GPR137: variants seen among roughly 807,000 people sequenced by gnomAD.
GPR137 encodes the protein integral membrane protein GPR137.
GPR137 carries 20 observed loss-of-function variants against 38.9 expected under a neutral mutation model. That is an observed-to-expected ratio of 0.51 (90% CI 0.36 to 0.75). The LOEUF (loss-of-function observed/expected upper bound fraction) is 0.75, where lower values mean the gene tolerates loss of function less well. Ranked by LOEUF, GPR137 falls within the 30% of genes least tolerant of loss-of-function variation. The pLI is 0.00. For missense variants in GPR137, 456 were observed against 526.4 expected (o/e 0.87, Z 1.31); for synonymous variants, 226 against 235.8 (o/e 0.96, Z 0.38).
upstream of GPR137, among the ~76,000 whole-genome samples, chr11:64,283,588 AG>A (rs1364221778): frequency 6.6e-6 from 1 of 152,212 alleles, no homozygotes; most frequent in East Asian, 1.9e-4. Flanking sequence ...TACGAGCCAC[AG>A]GGCAAGAAAG....
rs2033949858 is a variant in GPR137 at position 64,285,895 on chromosome 11, A to AG, written c.-629dup. The AG allele has an allele frequency of 1.8e-5, 18 of 973,348 alleles. No homozygotes were observed. The highest frequency in any genetic ancestry group is 2.2e-5 in the Non-Finnish European group (18 of 819,176). The allele number at this position is 973,348 out of a possible 1,614,324, so 60.3% of individuals were successfully genotyped here. On this transcript the variant is annotated 5_prime_UTR_variant, in exon 1 of 7. Coordinates refer to ENST00000438980, the MANE Select transcript of GPR137 (RefSeq NM_001170880.2). ...CGGAGCCCCGGGTCCCCACGACCTG[A>AG]GCCGGCTCTCCCATCAGCGGCCTGA...
chr11:64,280,084 A>G (rs11231742), upstream of GPR137, among the ~76,000 whole-genome samples: 31,137 of 151,274 alleles, frequency 0.21, 3,649 homozygotes, highest in East Asian at 0.55. Context: ...TTGGGAGGCC[A>G]AGGCGGGCGG....
intron 2 of GPR137, chr11:64,277,136 C>T (rs550415054): frequency 1.5e-5 from 9 of 618,086 alleles, no homozygotes; most frequent in Admixed American, 4.9e-5. Context: ...TGTTCCAGAC[C>T]GTTTGGAGCA....
upstream of GPR137, chr11:64,285,084 C>T (rs2033801096): frequency 2.8e-6 from 3 of 1,082,294 alleles, no homozygotes; most frequent in Non-Finnish European, 3.4e-6. Context: ...GCGCTTGGCA[C>T]AGCCACAACT....
At chr11:64,284,859 C>A, upstream of GPR137, 11 of 1,494,394 alleles carry the variant, frequency 7.4e-6, no homozygotes, top group South Asian at 1.3e-5. Flanking sequence ...CCTTCGGCCC[C>A]GGGGCTCACA....
chr11:64,279,790 C>A (rs79429697), upstream of GPR137, among the ~76,000 whole-genome samples: 1 of 151,136 alleles, frequency 6.6e-6, no homozygotes, highest in Non-Finnish European at 1.5e-5. Context: ...AAAAATCCCC[C>A]TCTATCCCAC....
upstream of GPR137, chr11:64,285,279 C>A: frequency 1.0e-6 from 1 of 985,978 alleles, no homozygotes; most frequent in African/African-American, 1.7e-5. Flanking sequence ...AACCTCCTCC[C>A]TGGCTGGGAT....
In GPR137 at chr11:64,288,066, G is replaced by T. The variant is rs1035259122; in HGVS notation, c.635G>T (p.Gly212Val). 1.9e-6 allele frequency: 3 copies of T among 1,610,136 alleles called. No homozygotes were observed. The highest frequency in any genetic ancestry group is 2.5e-6 in the Non-Finnish European group (3 of 1,179,926). The change falls in exon 4 of 7, where the codon GGG (glycine) becomes GTG (valine). Residue 212 changes from glycine to valine, a missense_variant and splice_region_variant. Transcript: ENST00000438980. The surrounding 1 kb of genome is among the most constrained non-coding windows in gnomAD (Gnocchi z 5.5). ...PSTSIYLEAK[G>V]TSVCQAAAMG... ...GTCCTCTGTTGTTACCTGTGCCAGG[G>T]GACCAGTGTGTGCCAGGCGGCCGCG...
At chr11:64,279,964 A>C (rs1021934242), upstream of GPR137, among the ~76,000 whole-genome samples, 1 of 151,558 alleles carries the variant, frequency 6.6e-6, no homozygotes, top group African/African-American at 2.4e-5. Context: ...TGGGAGGATC[A>C]CTTGGGGCCA....
At chr11:64,284,383 G>A (rs1022775163), upstream of GPR137, 5 of 1,612,382 alleles carry the variant, frequency 3.1e-6, no homozygotes, top group South Asian at 4.4e-5. Flanking sequence ...TGGGCTGTGA[G>A]GACAAGATGT....
upstream of GPR137, among the ~76,000 whole-genome samples, chr11:64,273,657 A>C (rs956959728): frequency 6.6e-6 from 1 of 151,596 alleles, no homozygotes; most frequent in African/African-American, 2.4e-5. Context: ...GAGGTTGGGG[A>C]GATCACGAGG....
upstream of GPR137, chr11:64,285,483 G>A: frequency 2.0e-6 from 2 of 985,046 alleles, no homozygotes; most frequent in Non-Finnish European, 2.4e-6. Context: ...GGCCATCTTG[G>A]CTATGGGCGG....
chr11:64,287,561 C>A, intron 2 of GPR137, 160 bp from the exon 3 acceptor site: 1 of 917,122 alleles, frequency 1.1e-6, no homozygotes, highest in Non-Finnish European at 1.3e-6. Flanking sequence ...CACCTTCTGA[C>A]CTTTTTGGGC....
Position 64,285,876 on chromosome 11 carries a change from C to A in GPR137, c.-649C>A. On this transcript the variant is annotated 5_prime_UTR_variant, in exon 1 of 7. Coordinates refer to ENST00000438980, the MANE Select transcript of GPR137 (RefSeq NM_001170880.2). Reference sequence around the variant, plus strand: ...GCAGCGGGAGCCGGGGAGCCGGAGCCCCGGGTCCCCACGACCTGAGCCGGC... The same window carrying A: ...GCAGCGGGAGCCGGGGAGCCGGAGCACCGGGTCCCCACGACCTGAGCCGGC... 1 of 976,840 alleles carries A rather than the reference C, an allele frequency of 1.0e-6. No homozygotes were observed. The highest frequency in any genetic ancestry group is 1.2e-6 in the Non-Finnish European group (1 of 822,100). The allele number at this position is 976,840 out of a possible 1,614,324, so 60.5% of individuals were successfully genotyped here.
chr11:64,286,376 GA>G lies in GPR137; in HGVS notation c.-148del, dbSNP rs3831423. 228,844 of 1,426,936 alleles carry G rather than the reference GA, an allele frequency of 0.16. 21,920 individuals are homozygous for G. The highest frequency in any genetic ancestry group is 0.52 in the East Asian group (20,605 of 39,424). The allele number at this position is 1,426,936 out of a possible 1,614,324, so 88.4% of individuals were successfully genotyped here. On this transcript the variant is annotated 5_prime_UTR_variant, in exon 1 of 7. Coordinates refer to ENST00000438980, the MANE Select transcript of GPR137 (RefSeq NM_001170880.2). ...GGGCAAGGGTCTCTCTGTTGAGGAG[GA>G]GGGGCCTGTCAGCCACAACTTCTTT...
upstream of GPR137, chr11:64,285,638 C>G: frequency 1.0e-6 from 1 of 985,168 alleles, no homozygotes; most frequent in Non-Finnish European, 1.2e-6. Context: ...GCACGGCCCA[C>G]CCGGGGACCC....
upstream of GPR137, among the ~76,000 whole-genome samples, chr11:64,275,335 T>A (rs1267298652): frequency 2.0e-5 from 3 of 152,096 alleles, no homozygotes; most frequent in Non-Finnish European, 4.4e-5. Flanking sequence ...GCAGAGTAAT[T>A]TCCAGTTCTG....
chr11:64,274,412 C>T (rs1663576708), upstream of GPR137, among the ~76,000 whole-genome samples: 1 of 145,330 alleles, frequency 6.9e-6, no homozygotes. Context: ...AGCAAGTAGG[C>T]GCAGTGGCTC....
At chr11:64,282,227 A>G (rs151131841), upstream of GPR137, among the ~76,000 whole-genome samples, 40 of 152,272 alleles carry the variant, frequency 2.6e-4, no homozygotes, top group East Asian at 7.3e-3. Flanking sequence ...GCGCGAGTGA[A>G]TGCTGAGTGT....
Sources: allele counts gnomAD v4.1 joint callset (sites outside exome capture counted in the v4.1 genomes callset), GRCh38; gene constraint gnomAD v4.1.1; non-coding constraint Gnocchi (gnomAD v3.1); transcripts MANE v1.5; gene names NCBI Gene and HGNC (gene_info 2026-07-23, HGNC 2026-07-21).